WNT7B: variants seen among roughly 807,000 people sequenced by gnomAD.
WNT7B encodes Wnt family member 7B, also known as protein Wnt-7b.
In WNT7B, 19 loss-of-function variants were observed where a neutral mutation model predicts 38.2. The ratio of observed to expected loss-of-function variants is 0.50; its 90% CI spans 0.35 to 0.73. The LOEUF is 0.73. WNT7B is among the 30% of genes least tolerant of loss of function. The probability of loss-of-function intolerance (pLI) is 0.01; values close to 1 mark genes in which losing one functional copy is unlikely to be tolerated. For synonymous variants in WNT7B, 243 were observed against 209.3 expected, an observed-to-expected ratio of 1.16 and a Z score of -1.39; for missense variants, 423 against 507.9, an observed-to-expected ratio of 0.83 and a Z score of 1.61.
At chr22:45,937,409 T>C (rs1290576628) in intron 2 of WNT7B, among the ~76,000 whole-genome samples, 1 of 152,204 alleles carries the variant, frequency 6.6e-6, no homozygotes, top group Non-Finnish European at 1.5e-5. Context: ...CCTGTCTCCC[T>C]ACCTGCAAAA....
chr22:45,938,037 A>G, intron 2 of WNT7B, among the ~76,000 whole-genome samples: 1 of 152,166 alleles, frequency 6.6e-6, no homozygotes, highest in African/African-American at 2.4e-5. Context: ...TCTACAACTC[A>G]ATAATAAAAT....
In WNT7B at chr22:45,929,518, G is replaced by A. The variant is rs966276552; in HGVS notation, c.570+1580C>T. ...CACCCACCCACCCACCAATACTTCCGTCCATCTTTCCACCCACTCATCCTT... is the reference window on the plus strand; with the variant it reads ...CACCCACCCACCCACCAATACTTCCATCCATCTTTCCACCCACTCATCCTT... On this transcript the variant is annotated intron_variant, in intron 3 of 3. Transcript: ENST00000339464. 1.2e-4 allele frequency among the ~76,000 whole-genome samples: 12 copies of A among 97,886 alleles called. No individual in the cohort carries two copies. In the East Asian group the frequency reaches 1.5e-3, roughly 12 times the overall value. 64.2% of individuals were successfully genotyped at this position (97,886 alleles called of 152,430 possible).
chr22:45,934,665 C>T (rs1569113889), intron 2 of WNT7B, among the ~76,000 whole-genome samples: 1 of 152,228 alleles, frequency 6.6e-6, no homozygotes, highest in Admixed American at 6.5e-5. Flanking sequence ...TTGGAGGACA[C>T]TTCCCACAAG....
chr22:45,972,116 G>GGGGGGGGCCCCCCCCCCCCCCCCCCC, intron 1 of WNT7B: 1 of 530,746 alleles, frequency 1.9e-6, no homozygotes. Flanking sequence ...CCCGGGGGGA[G>GGGGGGGGCCCCCCCCCCCCCCCCCCC]CCCACCCGCC....
chr22:45,929,431 C>CCTACCCATCCTTCCACTCATTCAT (rs1931217824), intron 3 of WNT7B, among the ~76,000 whole-genome samples: 1 of 148,504 alleles, frequency 6.7e-6, no homozygotes, highest in African/African-American at 2.6e-5. Context: ...CATCCATCCA[C>CCTACCCATCCTTCCACTCATTCAT]CCACCCACTG....
chr22:45,976,600 C>T lies in WNT7B; in HGVS notation c.71+84G>A. ...AGCTGCAGTGGCCCCCTCCAGTCCC[C>T]ACGTCCCCACGGGGACGCCCCGGAG... is the stretch of plus-strand genomic sequence containing the variant. On this transcript the variant is annotated intron_variant, in intron 1 of 3. Coordinates refer to ENST00000339464, the MANE Select transcript of WNT7B (RefSeq NM_058238.3). The surrounding 1 kb of genome is among the most constrained non-coding windows in gnomAD (Gnocchi z 8.5). 1 of 1,448,256 alleles carries T rather than the reference C, an allele frequency of 6.9e-7. No homozygotes were observed. Among genetic ancestry groups the T allele is most frequent in the Non-Finnish European group, 9.5e-7 (1 of 1,055,878 alleles). The allele number at this position is 1,448,256 out of a possible 1,614,324, so 89.7% of individuals were successfully genotyped here. A position where few individuals can be genotyped will look rare whatever the true frequency, so the allele number is the denominator to read the frequency against.
Position 45,977,122 on chromosome 22 carries a change from C to T in WNT7B, c.-368G>A. On this transcript the variant is annotated 5_prime_UTR_variant, in exon 1 of 4. Transcript: ENST00000339464. Reference sequence around the variant, plus strand: ...GTGAGCGCCTCGCCGAGCGCCGCGGCGGCCAATGTGTCCGCACTTGTCGGC... The same window carrying T: ...GTGAGCGCCTCGCCGAGCGCCGCGGTGGCCAATGTGTCCGCACTTGTCGGC... The T allele has an allele frequency of 1.5e-6, 1 of 683,544 alleles. No homozygotes were observed. The highest frequency in any genetic ancestry group is 1.8e-6 in the Non-Finnish European group (1 of 554,310). The allele number at this position is 683,544 out of a possible 1,614,324, so 42.3% of individuals were successfully genotyped here.
chr22:45,929,287 T>C (rs112643652), intron 3 of WNT7B, among the ~76,000 whole-genome samples: 2,034 of 152,282 alleles, frequency 0.013, 48 homozygotes, highest in African/African-American at 0.046. Flanking sequence ...TGCCTGTACC[T>C]GGAGACTAGT....
chr22:45,942,884 T>C (rs937212142), intron 2 of WNT7B, among the ~76,000 whole-genome samples: 55 of 151,650 alleles, frequency 3.6e-4, no homozygotes, highest in African/African-American at 1.3e-3. Context: ...TGTGTGCATG[T>C]ATGTGCGTGT....
intron 2 of WNT7B, chr22:45,936,092 C>A (rs1264525851): frequency 1.0e-6 from 1 of 985,296 alleles, no homozygotes; most frequent in Non-Finnish European, 1.2e-6. Flanking sequence ...CACCCCACAG[C>A]CCTCAAGAGC....
intron 3 of WNT7B, chr22:45,927,677 CCTGAGGTTAGGGGTT>C (rs1771899629): frequency 1.4e-6 from 1 of 714,160 alleles, no homozygotes. Context: ...GGGCAGATCA[CCTGAGGTTAGGGGTT>C]CAAGACCAGC....
intron 1 of WNT7B, among the ~76,000 whole-genome samples, chr22:45,974,371 C>A (rs377034268): frequency 2.0e-5 from 3 of 152,222 alleles, no homozygotes; most frequent in Non-Finnish European, 4.4e-5. Context: ...TGACGACACA[C>A]CTGGGCCCAG....
chr22:45,968,994 C>T (rs558381460), intron 1 of WNT7B, among the ~76,000 whole-genome samples: 1 of 152,340 alleles, frequency 6.6e-6, no homozygotes, highest in South Asian at 2.1e-4. Flanking sequence ...TGGGAGTTGC[C>T]CCTCCCCCAA....
intron 2 of WNT7B, chr22:45,935,895 A>C (rs1183673810): frequency 1.0e-6 from 1 of 984,804 alleles, no homozygotes; most frequent in African/African-American, 1.8e-5. Flanking sequence ...TGAGGGCAGC[A>C]CGGATGCTCT....
chr22:45,928,711 G>A (rs1159654354), intron 3 of WNT7B, among the ~76,000 whole-genome samples: 1 of 152,080 alleles, frequency 6.6e-6, no homozygotes, highest in Admixed American at 6.5e-5. Context: ...CAGCCCTGGG[G>A]TTCACACAGC....
In WNT7B at chr22:45,922,668, C is replaced by T; in HGVS notation, c.*188G>A. 1.1e-6 allele frequency: 1 copy of T among 928,624 alleles called. No homozygotes were observed. Among genetic ancestry groups the T allele is most frequent in the Non-Finnish European group, 1.6e-6 (1 of 640,780 alleles). The allele number at this position is 928,624 out of a possible 1,614,324, so 57.5% of individuals were successfully genotyped here. On this transcript the variant is annotated 3_prime_UTR_variant, in exon 4 of 4. Transcript: ENST00000339464. ...CGCAGGAGGTGATGGGAGGAGGTGG[C>T]AGGAAGGAGCCCCAGGGAGGCGGGC...
Position 45,950,081 on chromosome 22 carries a change from G to A in WNT7B, c.137C>T (p.Pro46Leu). ...IICNKIPGLA[P>L]RQRAICQSRP... ...ACTCTGGCAGATGGCACGCTGCCGC[G>A]GGGCTAGGCCAGGAATCTTGTTGCA... The change falls in exon 2 of 4, where the codon CCG (proline) becomes CTG (leucine). Residue 46 changes from proline (P) to leucine (L), a missense_variant. Transcript: ENST00000339464. 4 of 1,614,050 alleles carry A rather than the reference G, an allele frequency of 2.5e-6. No homozygotes were observed. Among genetic ancestry groups the A allele is most frequent in the Non-Finnish European group, 3.4e-6 (4 of 1,180,042 alleles).
chr22:45,950,700 C>T (rs886143263), intron 1 of WNT7B, among the ~76,000 whole-genome samples: 6 of 152,198 alleles, frequency 3.9e-5, no homozygotes, highest in Admixed American at 6.5e-5. Context: ...GAAGGCACTC[C>T]CCGTCTGAGC....
rs1318974166 is a variant in WNT7B at position 45,949,055 on chromosome 22, T to G, written c.298+865A>C. Among the ~76,000 whole-genome samples, 6 of 152,170 alleles carry G rather than the reference T, an allele frequency of 3.9e-5. No homozygotes were observed. The East Asian group carries it at 9.7e-4, about 25-fold the overall frequency. ...CATGTTGGCCAGGATGGTCTCGATC[T>G]CTTGACCTCAGGTGATCCACCCCCC... is the stretch of plus-strand genomic sequence containing the variant. On this transcript the variant is annotated intron_variant, in intron 2 of 3. Coordinates refer to ENST00000339464, the MANE Select transcript of WNT7B (RefSeq NM_058238.3).
Sources: gnomAD v4.1 joint callset for allele counts (sites outside exome capture counted in the v4.1 genomes callset) on GRCh38, gnomAD v4.1.1 for gene constraint, Gnocchi (gnomAD v3.1) non-coding constraint, MANE v1.5 for transcripts, NCBI Gene and HGNC (gene_info 2026-07-23, HGNC 2026-07-21) for gene names.